The following RBMS1 variants were observed in gnomAD, a reference collection of about 807,000 sequenced individuals.
RBMS1 encodes RNA-binding motif, single-stranded-interacting protein 1.
Under a neutral mutation model 62.3 loss-of-function variants are expected in RBMS1, and 17 were observed. That is an observed-to-expected ratio of 0.27 (90% confidence interval 0.19 to 0.41). The LOEUF is 0.41. Among genes scored for constraint, RBMS1 ranks in the 10% least tolerant of loss-of-function variants. The pLI, the probability that RBMS1 is intolerant of heterozygous loss-of-function variation, is 1.00. For missense variants in RBMS1, 334 were observed against 504.5 expected (o/e 0.66, Z 3.24); for synonymous variants, 172 against 170.0 (o/e 1.01, Z -0.09).
Position 160,286,832 on chromosome 2 carries a change from C to T in RBMS1, c.756+137G>A, listed in dbSNP as rs796478068. ...TGGCATCACTTGAATTATAATGTAC[C>T]GAAAGGAAGATTTAATCCTGGCACC... is the stretch of plus-strand genomic sequence containing the variant. On this transcript the variant is annotated intron_variant, in intron 7 of 13. Transcript: ENST00000348849. 27 of 1,496,160 alleles carry T rather than the reference C, an allele frequency of 1.8e-5. No homozygotes were observed. The Admixed American group carries it at 2.6e-4, about 14-fold the overall frequency. 92.7% of individuals were successfully genotyped at this position (1,496,160 alleles called of 1,614,324 possible).
intron 4 of RBMS1, among the ~76,000 whole-genome samples, chr2:160,306,151 G>GTGTA (rs1491577481): frequency 4.7e-4 from 71 of 151,232 alleles, no homozygotes; most frequent in African/African-American, 1.5e-3. Flanking sequence ...GTGTGTGTGT[G>GTGTA]TATACACATA....
chr2:160,398,553 C>T (rs776637176), intron 1 of RBMS1, among the ~76,000 whole-genome samples: 11 of 152,218 alleles, frequency 7.2e-5, no homozygotes, highest in South Asian at 2.1e-4. Context: ...TTAGGCTGGA[C>T]GATTCTTCCT....
chr2:160,367,290 G>A lies in RBMS1; in HGVS notation c.177C>T (p.Leu59=). 1 of 1,614,060 alleles carries A rather than the reference G, an allele frequency of 6.2e-7. No individual in the cohort carries two copies. Among genetic ancestry groups the A allele is most frequent in the Non-Finnish European group, 8.5e-7 (1 of 1,180,000 alleles). Residue 59 remains leucine, a synonymous_variant, in exon 2 of 14, where the codon CTC becomes CTT. Coordinates refer to ENST00000348849, the MANE Select transcript of RBMS1 (RefSeq NM_016836.4). ...SSSSNSGWDQ[L]SKTNLYIRGL... is the part of the protein sequence containing the mutation. ...CTCGGATATAGAGGTTCGTTTTGCT[G>A]AGCTGATCCCATCCTGAGTTGCTAC... is the stretch of plus-strand genomic sequence containing the variant.
At chr2:160,288,936 C>T (rs193197803) in intron 6 of RBMS1, among the ~76,000 whole-genome samples, 1 of 152,044 alleles carries the variant, frequency 6.6e-6, no homozygotes, top group African/African-American at 2.4e-5. Flanking sequence ...TCAGGTTGGA[C>T]TCATTCTAGA....
intron 2 of RBMS1, among the ~76,000 whole-genome samples, chr2:160,335,387 T>C (rs972990250): frequency 1.3e-5 from 2 of 152,128 alleles, no homozygotes; most frequent in South Asian, 2.1e-4. Context: ...CTCTTACTGT[T>C]ACACCATGCA....
At chr2:160,490,840 A>G (rs1276520047) in intron 1 of RBMS1, among the ~76,000 whole-genome samples, 2 of 152,178 alleles carry the variant, frequency 1.3e-5, no homozygotes, top group Non-Finnish European at 1.5e-5. Flanking sequence ...AGTTTTTGAT[A>G]TAGCTTCCAA....
chr2:160,350,946 T>G (rs941804911), intron 2 of RBMS1, among the ~76,000 whole-genome samples: 4 of 152,106 alleles, frequency 2.6e-5, no homozygotes, highest in African/African-American at 7.2e-5. Flanking sequence ...TCCACAATGG[T>G]TGAACTAGTT....
intron 4 of RBMS1, among the ~76,000 whole-genome samples, chr2:160,305,216 G>A (rs1357139249): frequency 6.6e-6 from 1 of 152,170 alleles, no homozygotes; most frequent in Non-Finnish European, 1.5e-5. Context: ...AAAGTCTACA[G>A]CAGTGTAATG....
chr2:160,426,940 G>T (rs960456921), intron 1 of RBMS1, among the ~76,000 whole-genome samples: 1 of 152,176 alleles, frequency 6.6e-6, no homozygotes, highest in Non-Finnish European at 1.5e-5. Context: ...AGAAAGCCTA[G>T]CTCCTTTTTT....
Position 160,313,157 on chromosome 2 carries a change from T to C in RBMS1, c.401A>G (p.Lys134Arg), listed in dbSNP as rs1294986782. The C allele has an allele frequency of 8.7e-6, 14 of 1,613,110 alleles. No individual in the cohort carries two copies. Among genetic ancestry groups the C allele is most frequent in the Non-Finnish European group, 1.2e-5 (14 of 1,179,380 alleles). ...KASGVQAQMAKQQEQDPTNLY... is the reference protein window; with the variant it reads ...KASGVQAQMARQQEQDPTNLY... ...AGCAATTGCTGGCTCTCAACTCACC[T>C]TTGCCATTTGAGCTTGAACCCCACT... The change falls in exon 4 of 14, where the codon AAG (lysine) becomes AGG (arginine). Residue 134 changes from lysine to arginine, a missense_variant and splice_region_variant. By Grantham distance (26) the Lys-to-Arg change is conservative (BLOSUM62 2). Around this residue, in one of 3 missense-constraint regions of RBMS1, gnomAD observed 150 missense variants for 228.0 expected, o/e 0.66. Coordinates refer to ENST00000348849, the MANE Select transcript of RBMS1 (RefSeq NM_016836.4).
chr2:160,444,769 CAAG>C (rs1418895062), intron 1 of RBMS1, among the ~76,000 whole-genome samples: 1 of 152,048 alleles, frequency 6.6e-6, no homozygotes, highest in Non-Finnish European at 1.5e-5. Context: ...GGTGGCCTTA[CAAG>C]AAGAGGAAGA....
chr2:160,282,324 AGT>A, intron 9 of RBMS1: 1 of 1,367,646 alleles, frequency 7.3e-7, no homozygotes, highest in South Asian at 1.1e-5. Context: ...ACCAAAGTTA[AGT>A]GCTTCTGCCT....
At chr2:160,377,960 G>A (rs773375974) in intron 1 of RBMS1, among the ~76,000 whole-genome samples, 1 of 152,132 alleles carries the variant, frequency 6.6e-6, no homozygotes, top group Non-Finnish European at 1.5e-5. Flanking sequence ...TGATGGTACA[G>A]GCCAAATTTT....
At chr2:160,362,048 C>G (rs890011703) in intron 2 of RBMS1, among the ~76,000 whole-genome samples, 17 of 152,164 alleles carry the variant, frequency 1.1e-4, no homozygotes, top group Admixed American at 1.1e-3. Flanking sequence ...TGAAAGATTT[C>G]TCTATAGCAT....
At chr2:160,301,592 T>A (rs1012261854) in intron 5 of RBMS1, among the ~76,000 whole-genome samples, 1 of 152,196 alleles carries the variant, frequency 6.6e-6, no homozygotes, top group Non-Finnish European at 1.5e-5. Context: ...GACAAAATGA[T>A]GCTGAGCTAT....
chr2:160,445,607 G>T (rs1683609391), intron 1 of RBMS1, among the ~76,000 whole-genome samples: 1 of 152,208 alleles, frequency 6.6e-6, no homozygotes, highest in South Asian at 2.1e-4. Context: ...CAGTTATTAA[G>T]AAGCTATTTG....
At chr2:160,386,803 C>G (rs1482522974) in intron 1 of RBMS1, among the ~76,000 whole-genome samples, 1 of 152,222 alleles carries the variant, frequency 6.6e-6, no homozygotes, top group Non-Finnish European at 1.5e-5. Flanking sequence ...GCCACCTAGT[C>G]TACTTTGTTA....
chr2:160,431,640 CT>C (rs757295200), intron 1 of RBMS1, among the ~76,000 whole-genome samples: 10 of 151,840 alleles, frequency 6.6e-5, no homozygotes, highest in Non-Finnish European at 1.5e-4. Context: ...CTATCTTGCA[CT>C]ATTGTCTTCC....
chr2:160,325,831 G>A (rs947061276), intron 2 of RBMS1, among the ~76,000 whole-genome samples: 1 of 152,112 alleles, frequency 6.6e-6, no homozygotes, highest in Non-Finnish European at 1.5e-5. Flanking sequence ...TGAGATAGAA[G>A]ATGTAAAAAT....
Sources: allele counts gnomAD v4.1 joint callset (sites outside exome capture counted in the v4.1 genomes callset), GRCh38; gene constraint gnomAD v4.1.1; regional missense constraint gnomAD v4.1.1; transcripts MANE v1.5; gene names NCBI Gene and HGNC (gene_info 2026-07-23, HGNC 2026-07-21).